The following FZD6 variants were observed in gnomAD, a reference collection of about 807,000 sequenced individuals.
FZD6 encodes frizzled-6.
In FZD6, 49 loss-of-function variants were observed where a neutral mutation model predicts 61.4. That is an observed-to-expected ratio of 0.80 (90% CI 0.63 to 1.01). The LOEUF (loss-of-function observed/expected upper bound fraction) is 1.01. Among genes scored for constraint, FZD6 ranks in the 50% least tolerant of loss-of-function variants. The probability of loss-of-function intolerance (pLI) is 0.00; values close to 1 mark genes in which losing one functional copy is unlikely to be tolerated. For synonymous variants in FZD6, 265 were observed against 292.2 expected (o/e 0.91, Z 0.95); for missense variants, 724 against 848.2 (o/e 0.85, Z 1.82).
At chr8:103,321,801 T>C (rs1814795921) in intron 3 of FZD6, among the ~76,000 whole-genome samples, 1 of 152,214 alleles carries the variant, frequency 6.6e-6, no homozygotes, top group South Asian at 2.1e-4. Context: ...AGCTTGCCAA[T>C]AGATGAATCC....
Position 103,324,971 on chromosome 8 carries a change from T to C in FZD6, c.865T>C (p.Leu289=). The change falls in exon 4 of 7, where the codon TTG becomes CTG. Residue 289 remains leucine (L), a synonymous_variant. Coordinates refer to ENST00000358755, the MANE Select transcript of FZD6 (RefSeq NM_003506.4). The part of the protein sequence containing the change: ...NKACTVLFML[L]YFFTMAGTVW... ...GGCTTGCACCGTTTTGTTCATGCTT[T>C]TGTATTTTTTCACAATGGCTGGCAC... 6.2e-7 allele frequency: 1 copy of C among 1,614,178 alleles called. No homozygotes were observed. The highest frequency in any genetic ancestry group is 1.3e-5 in the African/African-American group (1 of 75,048).
chr8:103,305,259 G>A (rs988959701), intron 2 of FZD6, among the ~76,000 whole-genome samples: 7 of 152,302 alleles, frequency 4.6e-5, no homozygotes, highest in Non-Finnish European at 8.8e-5. Context: ...GCCAGGTCAC[G>A]TATTGTGTTT....
chr8:103,323,881 A>G (rs1814863344), intron 3 of FZD6, among the ~76,000 whole-genome samples: 1 of 152,188 alleles, frequency 6.6e-6, no homozygotes, highest in Non-Finnish European at 1.5e-5. Context: ...AACCTGAACA[A>G]AATGGTGATG....
intron 1 of FZD6, 85 bp from the exon 2 acceptor site, chr8:103,299,871 G>T: frequency 2.1e-6 from 1 of 476,816 alleles, no homozygotes; most frequent in Non-Finnish European, 3.8e-6. Context: ...TTGTTACCTG[G>T]GGTGAAAATC....
chr8:103,302,909 G>A (rs914541621), intron 2 of FZD6, among the ~76,000 whole-genome samples: 1 of 152,152 alleles, frequency 6.6e-6, no homozygotes, highest in African/African-American at 2.4e-5. Flanking sequence ...AGTGAGCTAT[G>A]ATCGTTCCAC....
At chr8:103,304,230 C>T (rs1814265245) in intron 2 of FZD6, among the ~76,000 whole-genome samples, 1 of 152,208 alleles carries the variant, frequency 6.6e-6, no homozygotes, top group Non-Finnish European at 1.5e-5. Context: ...CTATCTCACT[C>T]CTTTTTTGTT....
intron 6 of FZD6, 100 bp from the exon 7 acceptor site, chr8:103,331,241 C>T (rs1335412199): frequency 8.3e-6 from 7 of 841,200 alleles, no homozygotes; most frequent in Non-Finnish European, 1.0e-5. Context: ...TATTTATTCT[C>T]TGATAAAGGT....
intron 2 of FZD6, among the ~76,000 whole-genome samples, chr8:103,311,681 TAAAAAAAA>T (rs34828148): frequency 1.6e-5 from 2 of 124,530 alleles, no homozygotes; most frequent in African/African-American, 3.0e-5. Flanking sequence ...ACCTGTCTCT[TAAAAAAAA>T]AAAAAAAAAA....
intron 2 of FZD6, chr8:103,307,996 A>G: frequency 2.2e-6 from 1 of 454,680 alleles, no homozygotes; most frequent in East Asian, 6.9e-5. Flanking sequence ...TCCTGCTGGA[A>G]CATGATACCA....
intron 4 of FZD6, among the ~76,000 whole-genome samples, chr8:103,326,533 G>A (rs552019409): frequency 1.3e-5 from 2 of 152,046 alleles, no homozygotes; most frequent in South Asian, 4.1e-4. Context: ...TTTAAGATCT[G>A]TAGTTATTAT....
rs777284498 is a variant in FZD6 at position 103,328,309 on chromosome 8, A to G, written c.1434A>G (p.Ile478Met). Residue 478 changes from isoleucine to methionine, a missense_variant, in exon 5 of 7, where the codon ATA becomes ATG. Coordinates refer to ENST00000358755, the MANE Select transcript of FZD6 (RefSeq NM_003506.4). ...GACCAGAATTGGCTTTATTTATGAT[A>G]AAATACCTGATGACATTAATTGTTG... ...KARPELALFM[I>M]KYLMTLIVGI... The G allele has an allele frequency of 1.2e-6, 2 of 1,611,286 alleles. No homozygotes were observed. The highest frequency in any genetic ancestry group is 1.1e-5 in the South Asian group (1 of 91,024).
At chr8:103,315,927 TCTAA>T (rs1326819806) in intron 2 of FZD6, among the ~76,000 whole-genome samples, 2 of 152,190 alleles carry the variant, frequency 1.3e-5, no homozygotes, top group African/African-American at 2.4e-5. Context: ...CAGGCCACAT[TCTAA>T]CTAACAGGTT....
intron 2 of FZD6, among the ~76,000 whole-genome samples, chr8:103,302,514 A>G (rs1178527215): frequency 6.6e-6 from 1 of 152,154 alleles, no homozygotes; most frequent in Non-Finnish European, 1.5e-5. Context: ...AGAAACTGAA[A>G]CCCAGAAAAG....
At chr8:103,315,951 G>A (rs368708317) in intron 2 of FZD6, among the ~76,000 whole-genome samples, 2 of 152,196 alleles carry the variant, frequency 1.3e-5, no homozygotes, top group African/African-American at 4.8e-5. Flanking sequence ...TTACTCTGTT[G>A]GTTATAGATT....
intron 2 of FZD6, among the ~76,000 whole-genome samples, chr8:103,316,322 G>A (rs2131859): frequency 0.024 from 3,659 of 152,064 alleles, 111 homozygotes; most frequent in African/African-American, 0.072. Context: ...CTCAATCCCC[G>A]CTCCTTTCCC....
chr8:103,313,675 G>A (rs946282586), intron 2 of FZD6, among the ~76,000 whole-genome samples: 10 of 151,958 alleles, frequency 6.6e-5, no homozygotes, highest in Admixed American at 3.3e-4. Flanking sequence ...TCCCTTCCAA[G>A]TCTAAAATTC....
At chr8:103,303,899 C>T (rs145811600) in intron 2 of FZD6, among the ~76,000 whole-genome samples, 85 of 148,868 alleles carry the variant, frequency 5.7e-4, no homozygotes, top group African/African-American at 2.1e-3. Context: ...TTGATCGGAC[C>T]GTTGGATTAT....
chr8:103,299,927 G>C, intron 1 of FZD6, 29 bp from the exon 2 acceptor site: 1 of 574,854 alleles, frequency 1.7e-6, no homozygotes, highest in Non-Finnish European at 3.1e-6. Context: ...GACAAATGTT[G>C]CTGATACACC....
At chr8:103,319,236 T>C (rs1814714632) in intron 3 of FZD6, among the ~76,000 whole-genome samples, 1 of 152,000 alleles carries the variant, frequency 6.6e-6, no homozygotes, top group Non-Finnish European at 1.5e-5. Context: ...ATAGCTTATT[T>C]AGAGACCCTG....
Sources: allele counts gnomAD v4.1 joint callset (sites outside exome capture counted in the v4.1 genomes callset), GRCh38; gene constraint gnomAD v4.1.1; transcripts MANE v1.5; gene names NCBI Gene and HGNC (gene_info 2026-07-23, HGNC 2026-07-21).